The following HHAT variants were observed in gnomAD, a reference collection of about 807,000 sequenced individuals.
HHAT encodes the protein hedgehog acyltransferase.
HHAT carries 47 observed loss-of-function variants against 70.8 expected under a neutral mutation model. That is an observed-to-expected ratio of 0.66 (90% confidence interval 0.53 to 0.85). The LOEUF (loss-of-function observed/expected upper bound fraction) is 0.85. Among genes scored for constraint, HHAT ranks in the 40% least tolerant of loss-of-function variants. The pLI, the probability that HHAT is intolerant of heterozygous loss-of-function variation, is 0.00. For missense variants in HHAT, 609 were observed against 604.8 expected, an observed-to-expected ratio of 1.01 and a Z score of -0.07; for synonymous variants, 228 against 247.6, an observed-to-expected ratio of 0.92 and a Z score of 0.74.
intron 7 of HHAT, among the ~76,000 whole-genome samples, chr1:210,456,891 C>T (rs746568816): frequency 6.6e-6 from 1 of 152,164 alleles, no homozygotes; most frequent in Non-Finnish European, 1.5e-5. Context: ...ACCTCTCCCC[C>T]ACACGCTGCT....
chr1:210,463,807 T>C (rs1163154473), intron 7 of HHAT, among the ~76,000 whole-genome samples: 2 of 152,234 alleles, frequency 1.3e-5, no homozygotes, highest in East Asian at 1.9e-4. Flanking sequence ...CAGATCTTCA[T>C]CAACACTTGC....
intron 3 of HHAT, among the ~76,000 whole-genome samples, chr1:210,377,621 A>T (rs891562462): frequency 6.6e-6 from 1 of 152,210 alleles, no homozygotes; most frequent in Non-Finnish European, 1.5e-5. Context: ...AGAGGATGTT[A>T]CTGAGTTTAG....
intron 8 of HHAT, among the ~76,000 whole-genome samples, chr1:210,506,352 T>G (rs967345627): frequency 6.6e-6 from 1 of 152,172 alleles, no homozygotes; most frequent in African/African-American, 2.4e-5. Flanking sequence ...AACACGAACT[T>G]GGAAACTTGA....
At chr1:210,603,558 C>T (rs528840607) in intron 10 of HHAT, among the ~76,000 whole-genome samples, 1 of 152,168 alleles carries the variant, frequency 6.6e-6, no homozygotes, top group African/African-American at 2.4e-5. Context: ...TCCAGTGTTC[C>T]TGTTACTGAT....
At chr1:210,463,392 A>G (rs538768237) in intron 7 of HHAT, among the ~76,000 whole-genome samples, 1 of 152,318 alleles carries the variant, frequency 6.6e-6, no homozygotes, top group South Asian at 2.1e-4. Context: ...CTTTCATATG[A>G]ATGGAATAAT....
At chr1:210,436,933 G>A (rs1280746042) in intron 7 of HHAT, among the ~76,000 whole-genome samples, 1 of 151,824 alleles carries the variant, frequency 6.6e-6, no homozygotes, top group Non-Finnish European at 1.5e-5. Flanking sequence ...TCATCCCCTG[G>A]TGGAAGCACT....
intron 3 of HHAT, chr1:210,374,260 A>G (rs1239836373): frequency 7.9e-6 from 1 of 126,592 alleles, no homozygotes; most frequent in African/African-American, 3.7e-5. Flanking sequence ...CTGAAGAGAA[A>G]CCAGTGTAAT....
intron 9 of HHAT, among the ~76,000 whole-genome samples, chr1:210,580,150 C>T (rs1282692622): frequency 6.6e-6 from 1 of 152,140 alleles, no homozygotes; most frequent in East Asian, 1.9e-4. Context: ...TGTACAGCAT[C>T]TTTTAGTAAA....
intron 9 of HHAT, among the ~76,000 whole-genome samples, chr1:210,564,510 G>A (rs17016475): frequency 0.059 from 8,994 of 152,288 alleles, 848 homozygotes; most frequent in African/African-American, 0.2. Flanking sequence ...ACAGTTTCCT[G>A]AAGTGGAATG....
Position 210,532,245 on chromosome 1 carries a change from G to A in HHAT, c.1043+19057G>A, listed in dbSNP as rs115136846. Among the ~76,000 whole-genome samples the A allele has an allele frequency of 1.3e-3, 194 of 152,236 alleles. 1 individual carries two copies. The highest frequency in any genetic ancestry group is 4.5e-3 in the African/African-American group (186 of 41,546). On this transcript the variant is annotated intron_variant, in intron 9 of 11. Coordinates refer to ENST00000261458, the MANE Select transcript of HHAT (RefSeq NM_018194.6). ...CAATTTTTAAGCAAAATAATGAACT[G>A]GAAAACATTTAGCTGAGAAAGTGCA... is the stretch of plus-strand genomic sequence containing the variant.
chr1:210,491,996 CA>C (rs2094559378), intron 8 of HHAT, among the ~76,000 whole-genome samples: 2 of 152,296 alleles, frequency 1.3e-5, no homozygotes, highest in South Asian at 4.2e-4. Context: ...CTCCTGACCT[CA>C]GGCAATCTGC....
chr1:210,670,444 C>A (rs1381765063), intron 11 of HHAT, among the ~76,000 whole-genome samples: 1 of 152,158 alleles, frequency 6.6e-6, no homozygotes, highest in Non-Finnish European at 1.5e-5. Flanking sequence ...GGTCCCCTTG[C>A]CTGTGTGTCT....
At chr1:210,428,318 AT>A (rs1558497715) in intron 7 of HHAT, among the ~76,000 whole-genome samples, 7 of 40,294 alleles carry the variant, frequency 1.7e-4, no homozygotes, top group Admixed American at 1.1e-3. Context: ...ATATATATAT[AT>A]ATATATATAT....
intron 3 of HHAT, among the ~76,000 whole-genome samples, chr1:210,379,576 C>T (rs1024333535): frequency 6.6e-6 from 1 of 152,174 alleles, no homozygotes; most frequent in Non-Finnish European, 1.5e-5. Flanking sequence ...TTCTTCTTTC[C>T]TTCTTTTGGA....
chr1:210,436,595 C>T (rs866617708), intron 7 of HHAT, among the ~76,000 whole-genome samples: 10 of 151,676 alleles, frequency 6.6e-5, no homozygotes, highest in South Asian at 6.2e-4. Context: ...TTTTTGTCTT[C>T]GGTTAGTACT....
intron 3 of HHAT, among the ~76,000 whole-genome samples, chr1:210,381,356 C>T (rs1046699841): frequency 4.6e-5 from 7 of 152,156 alleles, no homozygotes; most frequent in Admixed American, 4.6e-4. Context: ...TCTCAGTTCA[C>T]TGCAACCTCC....
Position 210,418,272 on chromosome 1 carries a change from A to T in HHAT, c.803A>T (p.His268Leu). Residue 268 changes from histidine to leucine, a missense_variant, in exon 7 of 12, where the codon CAT becomes CTT. His to Leu is a moderately conservative substitution (Grantham distance 99, BLOSUM62 -3). Coordinates refer to ENST00000261458, the MANE Select transcript of HHAT (RefSeq NM_018194.6). ...CTGATGGCTCACCTGATGTACATGC[A>T]TGCCATCTACAGCAGCATCCCCCTC... is the stretch of plus-strand genomic sequence containing the variant. Reference protein sequence around the residue: ...AELMAHLMYMHAIYSSIPLLE... With the variant: ...AELMAHLMYMLAIYSSIPLLE... 1 of 1,613,368 alleles carries T rather than the reference A, an allele frequency of 6.2e-7. No homozygotes were observed. The highest frequency in any genetic ancestry group is 8.5e-7 in the Non-Finnish European group (1 of 1,179,702).
intron 10 of HHAT, among the ~76,000 whole-genome samples, chr1:210,604,227 A>G (rs989412709): frequency 6.8e-6 from 1 of 147,664 alleles, no homozygotes; most frequent in African/African-American, 2.5e-5. Context: ...CTACAGGTGC[A>G]TGCCACCAAG....
At chr1:210,574,133 A>C (rs1328545845) in intron 9 of HHAT, among the ~76,000 whole-genome samples, 1 of 152,242 alleles carries the variant, frequency 6.6e-6, no homozygotes, top group African/African-American at 2.4e-5. Flanking sequence ...CATATCAGCA[A>C]GTTGAAAGAG....
Sources: allele counts gnomAD v4.1 joint callset (sites outside exome capture counted in the v4.1 genomes callset), GRCh38; gene constraint gnomAD v4.1.1; transcripts MANE v1.5; gene names NCBI Gene and HGNC (gene_info 2026-07-23, HGNC 2026-07-21).